GNG5B: variants seen among roughly 807,000 people sequenced by gnomAD.
GNG5B encodes G protein subunit gamma 5B, also known as guanine nucleotide-binding protein G(I)/G(S)/G(O) subunit gamma-5B.
chrX:110,346,793 A>G, the GNG5B span: 1 of 744,653 alleles, frequency 1.3e-6, no homozygotes, highest in Admixed American at 2.2e-5. Context: ...CATTCTGCAG[A>G]CAGAATTGTT....
the GNG5B span, chrX:110,346,566 A>G: frequency 2.2e-6 from 1 of 446,075 alleles, no homozygotes; most frequent in Admixed American, 3.8e-5. Flanking sequence ...TGTTAAGGAC[A>G]GACAAAAGTA....
At chrX:110,346,872 A>G in the GNG5B span, 2 of 637,672 alleles carry the variant, frequency 3.1e-6, no homozygotes, top group East Asian at 3.2e-5. Context: ...CTGTTGAACC[A>G]CTTTCTTCGT....
At chrX:110,346,685 T>C in the GNG5B span, 314 of 668,070 alleles carry the variant, frequency 4.7e-4, no homozygotes, top group African/African-American at 6.3e-3. Context: ...TTGGGAAACC[T>C]TTGAAAGATT....
At chrX:110,346,842 A>G in the GNG5B span, 2 of 659,299 alleles carry the variant, frequency 3.0e-6, no homozygotes, top group Admixed American at 4.5e-5. Context: ...TACGCTGTTG[A>G]GCCCGGCCTC....
the GNG5B span, chrX:110,346,799 T>G: frequency 1.4e-6 from 1 of 735,676 alleles, no homozygotes; most frequent in East Asian, 3.2e-5. Flanking sequence ...GCAGACAGAA[T>G]TGTTTCAAGT....
the GNG5B span, chrX:110,346,869 A>AGAATG: frequency 1.6e-6 from 1 of 640,596 alleles, no homozygotes; most frequent in Admixed American, 2.2e-5. Context: ...GAGCTGTTGA[A>AGAATG]CCACTTTCTT....
At chrX:110,346,770 G>A in the GNG5B span, 1 of 777,183 alleles carries the variant, frequency 1.3e-6, no homozygotes, top group Non-Finnish European at 2.0e-6. Context: ...AGTCAGCAGA[G>A]GGTCATGTTG....
the GNG5B span, chrX:110,346,771 G>A: frequency 2.6e-6 from 2 of 778,373 alleles, no homozygotes; most frequent in East Asian, 6.3e-5. Flanking sequence ...GTCAGCAGAG[G>A]GTCATGTTGA....
the GNG5B span, chrX:110,346,954 G>A: frequency 1.9e-6 from 1 of 521,040 alleles, no homozygotes. Flanking sequence ...GTGGGTCGTG[G>A]GCCGTGGGTC....
At chrX:110,346,523 T>C in the GNG5B span, among the ~76,000 whole-genome samples, 4 of 112,411 alleles carry the variant, frequency 3.6e-5, no homozygotes. Flanking sequence ...ATTACCCTTG[T>C]GAAGTAGAAA....
At chrX:110,346,891 C>A in the GNG5B span, 5 of 613,360 alleles carry the variant, frequency 8.2e-6, no homozygotes, top group Non-Finnish European at 1.4e-5. Context: ...GTAGCGGCGA[C>A]GCTGGAGAAG....
At chrX:110,346,923 G>C in the GNG5B span, 1 of 555,137 alleles carries the variant, frequency 1.8e-6, no homozygotes, top group Non-Finnish European at 3.3e-6. Flanking sequence ...GAACGCGGGG[G>C]CCGGGCCGAT....
chrX:110,346,611 A>G, the GNG5B span: 2 of 514,648 alleles, frequency 3.9e-6, no homozygotes, highest in Non-Finnish European at 3.6e-6. Context: ...TGTTACAGGG[A>G]TAAGCTTTTG....
At chrX:110,346,500 T>A in the GNG5B span, among the ~76,000 whole-genome samples, 31 of 112,555 alleles carry the variant, frequency 2.8e-4, no homozygotes, top group African/African-American at 9.7e-4. Context: ...CTGCTGCCAA[T>A]GTATATAAAA....
chrX:110,346,771 G>C, the GNG5B span: 1 of 778,374 alleles, frequency 1.3e-6, no homozygotes, highest in Non-Finnish European at 2.0e-6. Flanking sequence ...GTCAGCAGAG[G>C]GTCATGTTGA....
At chrX:110,346,771 G>T in the GNG5B span, 25 of 777,082 alleles carry the variant, frequency 3.2e-5, no homozygotes, top group Non-Finnish European at 4.6e-5. Flanking sequence ...GTCAGCAGAG[G>T]GTCATGTTGA....
chrX:110,346,687 TGA>T, the GNG5B span: 315 of 677,817 alleles, frequency 4.6e-4, no homozygotes, highest in African/African-American at 6.3e-3. Flanking sequence ...GGGAAACCTT[TGA>T]AAGATTCATT....
chrX:110,346,660 A>G, the GNG5B span: 1 of 579,429 alleles, frequency 1.7e-6, no homozygotes, highest in Admixed American at 2.2e-5. Context: ...TATTCACTGG[A>G]TCATAAGAAG....
the GNG5B span, chrX:110,346,767 A>C: frequency 1.3e-6 from 1 of 797,911 alleles, no homozygotes; most frequent in Non-Finnish European, 1.9e-6. Context: ...TCCAGTCAGC[A>C]GAGGGTCATG....
Sources: gnomAD v4.1 joint callset for allele counts (sites outside exome capture counted in the v4.1 genomes callset) on GRCh38, gnomAD v4.1.1 for gene constraint, MANE v1.5 for transcripts, NCBI Gene and HGNC (gene_info 2026-07-23, HGNC 2026-07-21) for gene names.